The following CUX1 variants were observed in gnomAD, a reference collection of about 807,000 sequenced individuals.
The protein encoded by CUX1 is cut like homeobox 1, also known as protein CASP.
A neutral mutation model predicts 158.8 loss-of-function variants in CUX1; 31 were observed. That is an observed-to-expected ratio of 0.20 (90% CI 0.15 to 0.26). The LOEUF (loss-of-function observed/expected upper bound fraction) is 0.26, where lower values mean the gene tolerates loss of function less well. Ranked by LOEUF, CUX1 falls within the 10% of genes least tolerant of loss-of-function variation. The pLI is 1.00. For missense variants in CUX1, 1,589 were observed against 2,014.6 expected (o/e 0.79, Z 4.04); for synonymous variants, 879 against 862.1 (o/e 1.02, Z -0.34).
chr7:102,279,452 G>A (rs1791886976), intron 18 of CUX1, among the ~76,000 whole-genome samples: 1 of 152,212 alleles, frequency 6.6e-6, no homozygotes, highest in African/African-American at 2.4e-5. Flanking sequence ...CTGGGCTAGG[G>A]AGGCCTGTGC....
intron 2 of CUX1, among the ~76,000 whole-genome samples, chr7:102,000,768 T>G (rs1345905076): frequency 6.6e-6 from 1 of 152,142 alleles, no homozygotes; most frequent in Non-Finnish European, 1.5e-5. Flanking sequence ...GGTTTTGTTT[T>G]TGTTTTGTTT....
At chr7:102,105,239 ACACACACGCG>A (rs1830215170) in intron 6 of CUX1, among the ~76,000 whole-genome samples, 1 of 151,988 alleles carries the variant, frequency 6.6e-6, no homozygotes, top group South Asian at 2.1e-4. Flanking sequence ...ATTTAATATT[ACACACACGCG>A]CACACACACA....
At chr7:101,870,641 G>A (rs1798429653) in intron 1 of CUX1, among the ~76,000 whole-genome samples, 1 of 152,188 alleles carries the variant, frequency 6.6e-6, no homozygotes, top group African/African-American at 2.4e-5. Flanking sequence ...ATTATTTCTT[G>A]TGAAAACCTC....
At chr7:101,999,973 C>G (rs1816475010) in intron 2 of CUX1, among the ~76,000 whole-genome samples, 1 of 152,098 alleles carries the variant, frequency 6.6e-6, no homozygotes, top group South Asian at 2.1e-4. Flanking sequence ...TCCCAGCACT[C>G]TGGGACGCCA....
intron 2 of CUX1, among the ~76,000 whole-genome samples, chr7:102,001,366 CAG>C (rs1482814848): frequency 1.3e-5 from 2 of 151,642 alleles, no homozygotes; most frequent in East Asian, 2.0e-4. Flanking sequence ...TTTTCTGAGA[CAG>C]AGTCTTGCTC....
At chr7:101,881,482 C>T (rs528754626) in intron 1 of CUX1, among the ~76,000 whole-genome samples, 1 of 152,336 alleles carries the variant, frequency 6.6e-6, no homozygotes, top group South Asian at 2.1e-4. Context: ...GATTCCTCCT[C>T]GCTGGCTCAG....
At chr7:101,816,390 GC>G (rs999617960), upstream of CUX1, among the ~76,000 whole-genome samples, 5 of 141,682 alleles carry the variant, frequency 3.5e-5, no homozygotes, top group African/African-American at 5.0e-5. Flanking sequence ...CACCCCGGGC[GC>G]CCCCCCGGGC....
intron 23 of CUX1, among the ~76,000 whole-genome samples, chr7:102,244,618 A>G (rs995001919): frequency 2.0e-5 from 3 of 152,016 alleles, no homozygotes; most frequent in Non-Finnish European, 4.4e-5. Context: ...TCACTTGAGG[A>G]GGTTGAGGCT....
At chr7:102,026,855 A>G (rs1165938455) in intron 2 of CUX1, among the ~76,000 whole-genome samples, 2 of 150,272 alleles carry the variant, frequency 1.3e-5, no homozygotes, top group African/African-American at 4.9e-5. Flanking sequence ...CATAGTTTCA[A>G]TGCCTAAACT....
intron 17 of CUX1, among the ~76,000 whole-genome samples, chr7:102,200,615 AC>A (rs1795313350): frequency 6.6e-6 from 1 of 152,158 alleles, no homozygotes; most frequent in South Asian, 2.1e-4. Flanking sequence ...TGCTGGGATT[AC>A]AGGTGTGAGC....
chr7:102,248,661 G>T lies in CUX1; in HGVS notation c.4137G>T (p.Gly1379=). ...PAEQTEPPPS[G]TPGPDDARDD... ...AGCAGACGGAGCCGCCGCCCTCGGG[G>T]ACCCCGGGCCCGGACGACGCCCGCG... is the stretch of plus-strand genomic sequence containing the variant. Residue 1379 remains glycine, a synonymous_variant, in exon 24 of 24, where the codon GGG becomes GGT. Coordinates refer to ENST00000292535, the MANE Select transcript of CUX1 (RefSeq NM_181552.4). The surrounding 1 kb of genome is among the most constrained non-coding windows in gnomAD (Gnocchi z 5.8). The T allele has an allele frequency of 1.5e-6, 2 of 1,351,896 alleles. No individual in the cohort carries two copies. Among genetic ancestry groups the T allele is most frequent in the Non-Finnish European group, 1.9e-6 (2 of 1,053,928 alleles). The allele number at this position is 1,351,896 out of a possible 1,614,324, so 83.7% of individuals were successfully genotyped here. A position where few individuals can be genotyped will look rare whatever the true frequency, so the allele number is the denominator to read the frequency against.
intron 3 of CUX1, among the ~76,000 whole-genome samples, chr7:102,055,028 ACTTCGTGACTATTGCCAT>A (rs1823977454): frequency 6.6e-6 from 1 of 151,974 alleles, no homozygotes; most frequent in Non-Finnish European, 1.5e-5. Flanking sequence ...GTGTAAATCA[ACTTCGTGACTATTGCCAT>A]CTTAAAAATA....
In CUX1 at chr7:102,255,849, G is replaced by C; in HGVS notation, c.*6807G>C. 1 of 981,188 alleles carries C rather than the reference G, an allele frequency of 1.0e-6. No individual in the cohort carries two copies. The highest frequency in any genetic ancestry group is 1.2e-6 in the Non-Finnish European group (1 of 827,610). The allele number at this position is 981,188 out of a possible 1,614,324, so 60.8% of individuals were successfully genotyped here. On this transcript the variant is annotated 3_prime_UTR_variant, in exon 24 of 24. Coordinates refer to ENST00000292535, the MANE Select transcript of CUX1 (RefSeq NM_181552.4). ...TTTTTATTATTTTATTATTTTTTTTGTACTTTGCTTTAAACGGAAAGCACT... is the reference window on the plus strand; with the variant it reads ...TTTTTATTATTTTATTATTTTTTTTCTACTTTGCTTTAAACGGAAAGCACT...
intron 9 of CUX1, 140 bp downstream of exon 9, chr7:102,158,748 C>T (rs1790076442): frequency 2.7e-6 from 2 of 753,762 alleles, no homozygotes; most frequent in Admixed American, 2.3e-5. Flanking sequence ...GATGCTCCTT[C>T]TGTTGTCATG....
intron 20 of CUX1, chr7:102,281,744 C>G: frequency 1.2e-6 from 1 of 812,340 alleles, no homozygotes. Flanking sequence ...CCTTCCCTCC[C>G]CTTGCCACCC....
chr7:102,096,705 T>TAAAC (rs200377699), intron 4 of CUX1, among the ~76,000 whole-genome samples: 30 of 152,182 alleles, frequency 2.0e-4, no homozygotes, highest in Admixed American at 9.8e-4. Context: ...GACCCTGTCT[T>TAAAC]AAACAAACAA....
rs573051965 is a variant in CUX1, at chr7:101,937,238, C to G, written c.141+21013C>G. Among the ~76,000 whole-genome samples, 12 of 152,338 alleles carry G rather than the reference C, an allele frequency of 7.9e-5. No homozygotes were observed. The East Asian group carries it at 2.3e-3, about 29-fold the overall frequency. On this transcript the variant is annotated intron_variant, in intron 2 of 23. Coordinates refer to ENST00000292535, the MANE Select transcript of CUX1 (RefSeq NM_181552.4). ...AGCACCCCAGCCCCCAGCTCCTCCC[C>G]CTGTGAAAGACATTAGCTCCTGGAG... is the stretch of plus-strand genomic sequence containing the variant.
rs1196922213 is a variant in CUX1 at position 102,251,190 on chromosome 7, T to A, written c.*2148T>A. The stretch of plus-strand genomic sequence containing the variant: ...TTAGGTCAACATCTTTGGATGACAT[T>A]TTAATGGTGCATTCATTATTTCTTA... On this transcript the variant is annotated 3_prime_UTR_variant, in exon 24 of 24. Transcript: ENST00000292535. 1.0e-6 allele frequency: 1 copy of A among 983,784 alleles called. No individual in the cohort carries two copies. Among genetic ancestry groups the A allele is most frequent in the Non-Finnish European group, 1.2e-6 (1 of 828,604 alleles). 60.9% of individuals were successfully genotyped at this position (983,784 alleles called of 1,614,324 possible).
At chr7:102,129,582 G>A (rs1429991515) in intron 8 of CUX1, among the ~76,000 whole-genome samples, 1 of 152,178 alleles carries the variant, frequency 6.6e-6, no homozygotes, top group Non-Finnish European at 1.5e-5. Flanking sequence ...TACTCGGGAG[G>A]CTGAAGCAGG....
Sources: allele counts gnomAD v4.1 joint callset (sites outside exome capture counted in the v4.1 genomes callset), GRCh38; gene constraint gnomAD v4.1.1; non-coding constraint Gnocchi (gnomAD v3.1); transcripts MANE v1.5; gene names NCBI Gene and HGNC (gene_info 2026-07-23, HGNC 2026-07-21).